HCFC1: variants seen among roughly 807,000 people sequenced by gnomAD.
The protein encoded by HCFC1 is host cell factor 1.
HCFC1 carries 7 observed loss-of-function variants against 105.5 expected under a neutral mutation model. That is an observed-to-expected ratio of 0.07 (90% CI 0.04 to 0.12). The LOEUF (loss-of-function observed/expected upper bound fraction) is 0.12, where lower values mean the gene tolerates loss of function less well. Ranked by LOEUF, HCFC1 falls within the 10% of genes least tolerant of loss-of-function variation. The pLI is 1.00. For missense variants in HCFC1, 1,065 were observed against 1,823.6 expected (o/e 0.58, Z 7.58); for synonymous variants, 918 against 828.1 (o/e 1.11, Z -1.86).
rs1557117512 is a variant in HCFC1 at position 153,963,411 on chromosome X, G to A, written c.526C>T (p.Leu176=). Residue 176 remains leucine, a synonymous_variant, in exon 4 of 26, where the codon CTG becomes TTG. Coordinates refer to ENST00000310441, the MANE Select transcript of HCFC1 (RefSeq NM_005334.3). Reference sequence around the variant, plus strand: ...ACTCCAGAGCCTGGCCGTAATTCCAGGATATATAAGTCATTCAGGTACCTG... The same window carrying A: ...ACTCCAGAGCCTGGCCGTAATTCCAAGATATATAAGTCATTCAGGTACCTG... ...IPRYLNDLYI[L]ELRPGSGVVA... 9 of 1,205,027 alleles carry A rather than the reference G, an allele frequency of 7.5e-6. No individual in the cohort carries two copies. Among genetic ancestry groups the A allele is most frequent in the South Asian group, 5.3e-5 (3 of 56,735 alleles).
At position 153,954,169 on chromosome X, in the gene HCFC1, A is replaced by C; in HGVS notation, c.4230T>G (p.Pro1410=). The C allele has an allele frequency of 1.7e-6, 2 of 1,185,248 alleles. No individual in the cohort carries two copies. The highest frequency in any genetic ancestry group is 2.3e-6 in the Non-Finnish European group (2 of 885,445). The part of the protein sequence containing the change: ...TPQAGTALLA[P]FPTQRVCSNP... The stretch of plus-strand genomic sequence containing the variant: ...TGGAGCACACCCTCTGTGTTGGGAA[A>C]GGAGCCAGCAGCGCGGTGCCAGCCT... Residue 1410 remains proline, a synonymous_variant, in exon 17 of 26, where the codon CCT becomes CCG. Transcript: ENST00000310441.
In HCFC1 at chrX:153,951,491, C is replaced by T; in HGVS notation, c.5380-4G>A. On this transcript the variant is annotated splice_region_variant and splice_polypyrimidine_tract_variant and intron_variant, in intron 21 of 25. Transcript: ENST00000310441. ...GTGGGGGCGGCAGGTCTGGCTTCTG[C>T]AAGACAGAATCGGTGCGACGAGATC... is the stretch of plus-strand genomic sequence containing the variant. 1 of 1,211,416 alleles carries T rather than the reference C, an allele frequency of 8.3e-7. No homozygotes were observed. Among genetic ancestry groups the T allele is most frequent in the South Asian group, 1.8e-5 (1 of 57,025 alleles).
chrX:153,969,384 A>G, intron 1 of HCFC1: 1 of 112,758 alleles, frequency 8.9e-6, no homozygotes, highest in Non-Finnish European at 1.9e-5. Context: ...TAGTGCTGGG[A>G]GCCGTGCCTG....
chrX:153,955,497 C>G lies in HCFC1; in HGVS notation c.2902G>C (p.Gly968Arg). Residue 968 changes from glycine to arginine, a missense_variant, in exon 17 of 26, where the codon GGG (glycine) becomes CGG (arginine). Physicochemically the swap from Gly to Arg is moderately radical, Grantham distance 125. Coordinates refer to ENST00000310441, the MANE Select transcript of HCFC1 (RefSeq NM_005334.3). ...TCATGCACAGGCTGGGCCTCCACCCCACTAGGTGCCGTGATCAGAGTTACC... is the reference window on the plus strand; with the variant it reads ...TCATGCACAGGCTGGGCCTCCACCCGACTAGGTGCCGTGATCAGAGTTACC... ...TQVTLITAPS[G>R]VEAQPVHDLP... The G allele has an allele frequency of 8.5e-7, 1 of 1,181,217 alleles. No individual in the cohort carries two copies. Among genetic ancestry groups the G allele is most frequent in the Non-Finnish European group, 1.1e-6 (1 of 878,438 alleles).
In HCFC1 at chrX:153,954,142, G is replaced by A. The variant is rs1557113509; in HGVS notation, c.4257C>T (p.Asn1419=). Residue 1419 remains asparagine (N), a synonymous_variant, in exon 17 of 26, where the codon AAC becomes AAT. Transcript: ENST00000310441. ...APFPTQRVCS[N]PPCETHETGT... ...CCGTCTCGTGGGTCTCACAGGGGGG[G>A]TTGGAGCACACCCTCTGTGTTGGGA... The A allele has an allele frequency of 2.0e-5, 24 of 1,209,257 alleles. No homozygotes were observed. The highest frequency in any genetic ancestry group is 2.6e-5 in the Non-Finnish European group (23 of 894,579).
Position 153,955,416 on chromosome X carries a change from T to C in HCFC1, c.2983A>G (p.Thr995Ala). The change falls in exon 17 of 26, where the codon ACC (threonine) becomes GCC (alanine). Residue 995 changes from threonine to alanine, a missense_variant. Physicochemically the swap from Thr to Ala is moderately conservative, Grantham distance 58. Around this residue, in one of 17 missense-constraint regions of HCFC1, gnomAD observed 546 missense variants for 599.9 expected, o/e 0.91. Transcript: ENST00000310441. ...PTTEQPTATVTIADSGQGDVQ... is the reference protein window; with the variant it reads ...PTTEQPTATVAIADSGQGDVQ... ...TCACCCTGGCCTGAGTCGGCGATGG[T>C]AACTGTGGCGGTGGGCTGTTCTGTA... 1 of 1,211,039 alleles carries C rather than the reference T, an allele frequency of 8.3e-7. No homozygotes were observed. The highest frequency in any genetic ancestry group is 1.8e-5 in the South Asian group (1 of 56,877).
chrX:153,955,958 C>G (rs1169858425), intron 16 of HCFC1, among the ~76,000 whole-genome samples: 1 of 113,309 alleles, frequency 8.8e-6, no homozygotes, highest in Non-Finnish European at 1.9e-5. Context: ...GAGGAAGAAC[C>G]CGGTGTTCAA....
Position 153,970,908 on chromosome X carries a change from A to G in HCFC1, c.-68T>C, listed in dbSNP as rs2065526520. On this transcript the variant is annotated 5_prime_UTR_variant, in exon 1 of 26. Coordinates refer to ENST00000310441, the MANE Select transcript of HCFC1 (RefSeq NM_005334.3). ...AAGGGAGCCCCTCAATTCCTTTCAC[A>G]CACCCCCTTTCGTCTAAGGCAGCTC... 3.2e-6 allele frequency: 3 copies of G among 934,197 alleles called. No individual in the cohort carries two copies. In the Admixed American group the frequency reaches 1.2e-4, roughly 36 times the overall value. The allele number at this position is 934,197 out of a possible 1,213,427, so 77.0% of individuals were successfully genotyped here.
chrX:153,971,430 A>C lies in HCFC1; in HGVS notation c.-590T>G, dbSNP rs2148619878. On this transcript the variant is annotated 5_prime_UTR_variant, in exon 1 of 26. Transcript: ENST00000310441. ...AGCCGCCGCTCCCGAAACAGCCTCG[A>C]CACACCTAACGAATGGAGGCGGGCC... 1 of 294,320 alleles carries C rather than the reference A, an allele frequency of 3.4e-6. No individual in the cohort carries two copies. The highest frequency in any genetic ancestry group is 4.8e-5 in the East Asian group (1 of 20,866). 24.3% of individuals were successfully genotyped at this position (294,320 alleles called of 1,213,427 possible).
At chrX:153,965,228 C>T (rs781912544) in intron 1 of HCFC1, among the ~76,000 whole-genome samples, 9 of 111,414 alleles carry the variant, frequency 8.1e-5, no homozygotes, top group African/African-American at 2.9e-4. Flanking sequence ...CTCTGACCTC[C>T]CGGACTTCCT....
chrX:153,953,386 T>C (rs1314314193), intron 18 of HCFC1, among the ~76,000 whole-genome samples: 1 of 112,021 alleles, frequency 8.9e-6, no homozygotes, highest in Non-Finnish European at 1.9e-5. Context: ...TGACACGCGA[T>C]GAGAACCAGT....
intron 13 of HCFC1, 74 bp from the exon 14 acceptor site, chrX:153,957,134 A>G (rs1433873590): frequency 7.5e-5 from 83 of 1,106,939 alleles, no homozygotes; most frequent in Non-Finnish European, 9.8e-5. Flanking sequence ...ACTATAATGA[A>G]CATCCACAAG....
At position 153,949,277 on chromosome X, in the gene HCFC1, G is replaced by C; in HGVS notation, c.*70C>G. 3.3e-6 allele frequency: 3 copies of C among 903,731 alleles called. No individual in the cohort carries two copies. The highest frequency in any genetic ancestry group is 4.8e-6 in the Non-Finnish European group (3 of 624,568). The allele number at this position is 903,731 out of a possible 1,213,427, so 74.5% of individuals were successfully genotyped here. ...GCGAATGCTGGGACGGGGTGGGAGGGGTGGGCCCTGGCGGGTGTTCCTGAA... is the reference window on the plus strand; with the variant it reads ...GCGAATGCTGGGACGGGGTGGGAGGCGTGGGCCCTGGCGGGTGTTCCTGAA... On this transcript the variant is annotated 3_prime_UTR_variant, in exon 26 of 26. Coordinates refer to ENST00000310441, the MANE Select transcript of HCFC1 (RefSeq NM_005334.3).
In HCFC1 at chrX:153,954,182, G is replaced by A. The variant is rs782239008; in HGVS notation, c.4217C>T (p.Ala1406Val). ...APSVTPQAGT[A>V]LLAPFPTQRV... The stretch of plus-strand genomic sequence containing the variant: ...CTGTGTTGGGAAAGGAGCCAGCAGC[G>A]CGGTGCCAGCCTGGGGGGTGACGCT... Residue 1406 changes from alanine (A) to valine (V), a missense_variant, in exon 17 of 26, where the codon GCG becomes GTG. By Grantham distance (64) the Ala-to-Val change is moderately conservative. Coordinates refer to ENST00000310441, the MANE Select transcript of HCFC1 (RefSeq NM_005334.3). 8.3e-6 allele frequency: 10 copies of A among 1,206,484 alleles called. No homozygotes were observed. The highest frequency in any genetic ancestry group is 2.3e-4 in the Middle Eastern group (1 of 4,305).
At position 153,964,587 on chromosome X, in the gene HCFC1, G is replaced by A. The variant is rs782099695; in HGVS notation, c.333C>T (p.Tyr111=). 32 of 1,198,071 alleles carry A rather than the reference G, an allele frequency of 2.7e-5. No homozygotes were observed. In the South Asian group the frequency reaches 2.8e-4, roughly 10 times the overall value. Reference sequence around the variant, plus strand: ...CCTGGGGCTGCTTTACCTGGAGTTCGTAGAGGTCATTGCTGTATTTCCCAT... The same window carrying A: ...CCTGGGGCTGCTTTACCTGGAGTTCATAGAGGTCATTGCTGTATTTCCCAT... ...VEYGKYSNDL[Y]ELQASRWEWK... The change falls in exon 2 of 26, where the codon TAC becomes TAT. Residue 111 remains tyrosine (Y), a synonymous_variant. Coordinates refer to ENST00000310441, the MANE Select transcript of HCFC1 (RefSeq NM_005334.3).
chrX:153,962,403 G>T, intron 4 of HCFC1, 97 bp from the exon 5 acceptor site: 1 of 594,477 alleles, frequency 1.7e-6, no homozygotes, highest in Non-Finnish European at 2.8e-6. Flanking sequence ...ATCTGTCTCA[G>T]TGAGAGAATT....
Position 153,954,192 on chromosome X carries a change from C to G in HCFC1, c.4207G>C (p.Ala1403Pro). The part of the protein sequence containing the change: ...VAAAPSVTPQ[A>P]GTALLAPFPT... ...AAAGGAGCCAGCAGCGCGGTGCCAG[C>G]CTGGGGGGTGACGCTGGGTGCCGCC... The change falls in exon 17 of 26, where the codon GCT becomes CCT. Residue 1403 changes from alanine to proline, a missense_variant. Ala to Pro is a conservative substitution (Grantham distance 27). Coordinates refer to ENST00000310441, the MANE Select transcript of HCFC1 (RefSeq NM_005334.3). The G allele has an allele frequency of 1.7e-6, 2 of 1,204,046 alleles. No homozygotes were observed. The highest frequency in any genetic ancestry group is 1.1e-6 in the Non-Finnish European group (1 of 893,436).
Position 153,955,325 on chromosome X carries a change from G to A in HCFC1, c.3074C>T (p.Thr1025Ile). The change falls in exon 17 of 26, where the codon ACC becomes ATC. Residue 1025 changes from threonine to isoleucine, a missense_variant. Thr to Ile is a moderately conservative substitution (Grantham distance 89). Transcript: ENST00000310441. ...NPPCETHETG[T>I]TNTATTTVVA... is the part of the protein sequence containing the mutation. ...AACAGTAGTGGTGGCCGTGTTGGTG[G>A]TGCCAGTCTCGTGGGTCTCACAGGG... 8.3e-7 allele frequency: 1 copy of A among 1,212,060 alleles called. No homozygotes were observed. Among genetic ancestry groups the A allele is most frequent in the Non-Finnish European group, 1.1e-6 (1 of 895,432 alleles).
In HCFC1 at chrX:153,961,606, G is replaced by A. The variant is rs1014592191; in HGVS notation, c.840C>T (p.Asp280=). Residue 280 remains aspartate (D), a synonymous_variant, in exon 6 of 26, where the codon GAC becomes GAT. Transcript: ENST00000310441. ...CCTTCTCGTGTGTGGCCACTTTGACGTCATCCATGACGAGAGGCACCCAGC... is the reference window on the plus strand; with the variant it reads ...CCTTCTCGTGTGTGGCCACTTTGACATCATCCATGACGAGAGGCACCCAGC... ...FGGWVPLVMD[D]VKVATHEKEW... is the part of the protein sequence containing the mutation. 5.0e-6 allele frequency: 6 copies of A among 1,207,246 alleles called. No individual in the cohort carries two copies. The highest frequency in any genetic ancestry group is 2.3e-4 in the Middle Eastern group (1 of 4,370).
Sources: allele counts gnomAD v4.1 joint callset (sites outside exome capture counted in the v4.1 genomes callset), GRCh38; gene constraint gnomAD v4.1.1; regional missense constraint gnomAD v4.1.1; transcripts MANE v1.5; gene names NCBI Gene and HGNC (gene_info 2026-07-23, HGNC 2026-07-21).